SARNP: variants seen among roughly 807,000 people sequenced by gnomAD.
The protein encoded by SARNP is SAP domain containing ribonucleoprotein, also known as SAP domain-containing ribonucleoprotein.
Under a neutral mutation model 38.1 loss-of-function variants are expected in SARNP, and 5 were observed. That is an observed-to-expected ratio of 0.13 (90% confidence interval 0.07 to 0.28). SARNP has a LOEUF of 0.28. Ranked by LOEUF, SARNP falls within the 10% of genes least tolerant of loss-of-function variation. The pLI is 1.00. For synonymous variants in SARNP, 84 were observed against 80.6 expected, an observed-to-expected ratio of 1.04 and a Z score of -0.23; for missense variants, 180 against 243.9, an observed-to-expected ratio of 0.74 and a Z score of 1.75.
chr12:55,810,196 T>C (rs924102880), intron 1 of SARNP, among the ~76,000 whole-genome samples: 1 of 152,208 alleles, frequency 6.6e-6, no homozygotes, highest in African/African-American at 2.4e-5. Context: ...CACTGCAGCC[T>C]CGACCTCCTG....
chr12:55,765,819 T>C (rs1416195886), intron 9 of SARNP, among the ~76,000 whole-genome samples: 1 of 152,080 alleles, frequency 6.6e-6, no homozygotes, highest in Middle Eastern at 3.2e-3. Flanking sequence ...GCTCCTCTCT[T>C]AAAGCCTCTT....
At chr12:55,794,487 C>T in intron 6 of SARNP, 100 bp from the exon 7 acceptor site, 4 of 1,043,928 alleles carry the variant, frequency 3.8e-6, no homozygotes, top group Non-Finnish European at 5.8e-6. Flanking sequence ...TGCTTGTGAT[C>T]TCAAGCCTTG....
At chr12:55,785,730 C>T (rs929437252) in intron 9 of SARNP, among the ~76,000 whole-genome samples, 13 of 151,040 alleles carry the variant, frequency 8.6e-5, no homozygotes, top group African/African-American at 2.9e-4. Flanking sequence ...AAGCTGAGAT[C>T]GCACCATTGC....
At chr12:55,766,517 G>T (rs971153261) in intron 9 of SARNP, among the ~76,000 whole-genome samples, 4 of 146,984 alleles carry the variant, frequency 2.7e-5, no homozygotes, top group Non-Finnish European at 4.4e-5. Flanking sequence ...CTTTCCTTAA[G>T]ATCTCATTTA....
At chr12:55,815,386 T>C (rs1182194722) in intron 1 of SARNP, among the ~76,000 whole-genome samples, 1 of 152,092 alleles carries the variant, frequency 6.6e-6, no homozygotes, top group Non-Finnish European at 1.5e-5. Context: ...AACCCAGAAG[T>C]CAGGATCATT....
chr12:55,803,783 T>A, intron 1 of SARNP, 55 bp from the exon 2 acceptor site: 1 of 1,169,070 alleles, frequency 8.6e-7, no homozygotes, highest in Non-Finnish European at 1.3e-6. Context: ...CACCAGTGAA[T>A]AAAATGGTAG....
intron 7 of SARNP, chr12:55,792,942 C>T (rs1476729248): frequency 1.3e-5 from 2 of 152,224 alleles, no homozygotes; most frequent in Non-Finnish European, 2.9e-5. Context: ...GGCTTGGCAT[C>T]CCAAAGTGCT....
chr12:55,775,241 T>TTAA (rs773374514), intron 9 of SARNP, among the ~76,000 whole-genome samples: 10 of 118,584 alleles, frequency 8.4e-5, no homozygotes, highest in African/African-American at 2.1e-4. Flanking sequence ...AGGTTAAAAT[T>TTAA]AAAAAAAAAA....
intron 10 of SARNP, among the ~76,000 whole-genome samples, chr12:55,758,868 T>C (rs1358651935): frequency 2.0e-5 from 3 of 152,070 alleles, no homozygotes; most frequent in African/African-American, 7.2e-5. Context: ...GTCTCATGTA[T>C]TTCTCCTTTA....
intron 9 of SARNP, among the ~76,000 whole-genome samples, chr12:55,766,562 A>C (rs954453038): frequency 7.0e-6 from 1 of 142,256 alleles, no homozygotes; most frequent in Non-Finnish European, 1.5e-5. Context: ...AAGAGGAGAG[A>C]GTACCTATAT....
chr12:55,758,337 A>T (rs1189774155), intron 10 of SARNP, among the ~76,000 whole-genome samples: 1 of 152,172 alleles, frequency 6.6e-6, no homozygotes, highest in Non-Finnish European at 1.5e-5. Flanking sequence ...ACTGACTCTG[A>T]TACTTATTCA....
chr12:55,794,896 CA>C lies in SARNP; in HGVS notation c.304-17del. On this transcript the variant is annotated splice_polypyrimidine_tract_variant and intron_variant, in intron 5 of 10. Transcript: ENST00000336133. The stretch of plus-strand genomic sequence containing the variant: ...TCTGCATTCTCTAAGTAAAAATAGA[CA>C]AAAGGGAGAAAAAAAAGTCAATTTA... 1 of 1,156,924 alleles carries C rather than the reference CA, an allele frequency of 8.6e-7. No individual in the cohort carries two copies. Among genetic ancestry groups the C allele is most frequent in the Non-Finnish European group, 1.1e-6 (1 of 894,758 alleles). 71.7% of individuals were successfully genotyped at this position (1,156,924 alleles called of 1,614,324 possible). A position where few individuals can be genotyped will look rare whatever the true frequency, so the allele number is the denominator to read the frequency against.
intron 9 of SARNP, among the ~76,000 whole-genome samples, chr12:55,763,497 G>A (rs541961837): frequency 6.6e-6 from 1 of 152,210 alleles, no homozygotes; most frequent in African/African-American, 2.4e-5. Flanking sequence ...TAGTAGAGAT[G>A]GGGTTTCGCC....
intron 10 of SARNP, among the ~76,000 whole-genome samples, chr12:55,758,462 C>A (rs577260091): frequency 3.9e-5 from 6 of 152,046 alleles, no homozygotes; most frequent in African/African-American, 1.4e-4. Context: ...CTGACCAACA[C>A]GGTAAAACCC....
chr12:55,808,588 C>T (rs563297779), intron 1 of SARNP, among the ~76,000 whole-genome samples: 13 of 152,158 alleles, frequency 8.5e-5, no homozygotes, highest in South Asian at 6.2e-4. Flanking sequence ...TGAGCCACCA[C>T]GCCCAGCCAA....
chr12:55,780,393 G>A (rs895757397), intron 9 of SARNP, among the ~76,000 whole-genome samples: 1 of 152,074 alleles, frequency 6.6e-6, no homozygotes, highest in African/African-American at 2.4e-5. Context: ...GGCAGAGGTT[G>A]CAGTGAGCTC....
chr12:55,784,702 C>T (rs1011954774), intron 9 of SARNP, among the ~76,000 whole-genome samples: 2 of 152,124 alleles, frequency 1.3e-5, no homozygotes, highest in Non-Finnish European at 1.5e-5. Context: ...ATGAGTTGTC[C>T]GATATGGTAG....
At chr12:55,783,626 C>G (rs763188382) in intron 9 of SARNP, among the ~76,000 whole-genome samples, 2 of 152,082 alleles carry the variant, frequency 1.3e-5, no homozygotes, top group Non-Finnish European at 2.9e-5. Flanking sequence ...CTTTACATTT[C>G]TGTGTAGTGC....
intron 1 of SARNP, among the ~76,000 whole-genome samples, chr12:55,807,768 C>T (rs1161057724): frequency 6.7e-6 from 1 of 149,156 alleles, no homozygotes; most frequent in Admixed American, 6.7e-5. Flanking sequence ...GAGCCGAGAT[C>T]GTGCCACTGT....
Sources: allele counts gnomAD v4.1 joint callset (sites outside exome capture counted in the v4.1 genomes callset), GRCh38; gene constraint gnomAD v4.1.1; transcripts MANE v1.5; gene names NCBI Gene and HGNC (gene_info 2026-07-23, HGNC 2026-07-21).